The following TXNDC8 variants were observed in gnomAD, a reference collection of about 807,000 sequenced individuals.
The protein encoded by TXNDC8 is thioredoxin domain-containing protein 8.
In TXNDC8, 15 loss-of-function variants were observed where a neutral mutation model predicts 12.9. The ratio of observed to expected loss-of-function variants is 1.16; its 90% CI spans 0.78 to 1.79. The LOEUF is 1.79. TXNDC8 is among the 40% of genes most tolerant of loss of function. The pLI, the probability that TXNDC8 is intolerant of heterozygous loss-of-function variation, is 0.00. For missense variants in TXNDC8, 128 were observed against 113.2 expected (o/e 1.13, Z -0.59); for synonymous variants, 40 against 35.4 (o/e 1.13, Z -0.46).
At chr9:110,312,739 T>C (rs1838736554) in intron 3 of TXNDC8, among the ~76,000 whole-genome samples, 1 of 152,244 alleles carries the variant, frequency 6.6e-6, no homozygotes. Context: ...ATCTGTCCTA[T>C]CATGATTTGT....
At chr9:110,319,478 A>C (rs1839012745) in intron 3 of TXNDC8, among the ~76,000 whole-genome samples, 1 of 152,240 alleles carries the variant, frequency 6.6e-6, no homozygotes, top group South Asian at 2.1e-4. Context: ...TTTGTCTGAC[A>C]GTTGTTTAAA....
chr9:110,337,787 T>A lies in TXNDC8; in HGVS notation c.10A>T (p.Ile4Phe). ...TAAATACTTGCCGTGTCTTTAATAA[T>A]CTGTACCATGATTACACCAGGGAAG... Residue 4 changes from isoleucine to phenylalanine, a missense_variant, in exon 1 of 5, where the codon ATT (isoleucine) becomes TTT (phenylalanine). Transcript: ENST00000423740. The A allele has an allele frequency of 6.2e-7, 1 of 1,614,006 alleles. No individual in the cohort carries two copies. The highest frequency in any genetic ancestry group is 1.1e-5 in the South Asian group (1 of 91,060).
chr9:110,334,541 G>A (rs779906528), intron 1 of TXNDC8, among the ~76,000 whole-genome samples: 26 of 152,204 alleles, frequency 1.7e-4, no homozygotes, highest in South Asian at 4.1e-4. Context: ...ACCTTATCTG[G>A]CCATGTTAGT....
At chr9:110,301,546 A>G (rs966368491), downstream of TXNDC8, among the ~76,000 whole-genome samples, 5 of 152,016 alleles carry the variant, frequency 3.3e-5, no homozygotes, top group African/African-American at 1.2e-4. Flanking sequence ...TAGGAGCAAA[A>G]TTGCCTTTAT....
chr9:110,326,815 G>T (rs1335623468), intron 2 of TXNDC8, among the ~76,000 whole-genome samples: 2 of 152,112 alleles, frequency 1.3e-5, no homozygotes, highest in East Asian at 1.9e-4. Flanking sequence ...TCAAAGGTTA[G>T]TTTTTGTTTT....
At chr9:110,335,640 G>A (rs1177975241) in intron 1 of TXNDC8, among the ~76,000 whole-genome samples, 3 of 152,106 alleles carry the variant, frequency 2.0e-5, no homozygotes, top group African/African-American at 7.2e-5. Context: ...GGTGTAGCTG[G>A]CATTGGTATC....
At chr9:110,308,218 T>G (rs938841852) in intron 3 of TXNDC8, among the ~76,000 whole-genome samples, 1 of 152,228 alleles carries the variant, frequency 6.6e-6, no homozygotes, top group Non-Finnish European at 1.5e-5. Flanking sequence ...TCCCTTTTTT[T>G]AGAGTTTTAC....
At chr9:110,332,409 T>C (rs571893210) in intron 2 of TXNDC8, among the ~76,000 whole-genome samples, 79 of 152,318 alleles carry the variant, frequency 5.2e-4, no homozygotes, top group African/African-American at 1.9e-3. Flanking sequence ...TGTGATGTTA[T>C]GTAGCCAGTT....
chr9:110,311,709 A>G (rs1308707923), intron 3 of TXNDC8, among the ~76,000 whole-genome samples: 6 of 134,580 alleles, frequency 4.5e-5, no homozygotes, highest in Non-Finnish European at 7.8e-5. Context: ...TGGATATACT[A>G]TATTACTATA....
intron 3 of TXNDC8, chr9:110,322,640 A>C (rs371870902): frequency 1.0e-6 from 1 of 985,334 alleles, no homozygotes; most frequent in African/African-American, 1.7e-5. Flanking sequence ...CATAAAATGG[A>C]GTAAAAACTG....
intron 1 of TXNDC8, 58 bp from the exon 2 acceptor site, chr9:110,334,378 G>T: frequency 2.1e-6 from 3 of 1,455,908 alleles, no homozygotes; most frequent in African/African-American, 1.4e-5. Flanking sequence ...ATGACATTTT[G>T]TAGAGAAGAA....
At chr9:110,307,841 T>C (rs995760490) in intron 3 of TXNDC8, among the ~76,000 whole-genome samples, 3 of 152,258 alleles carry the variant, frequency 2.0e-5, no homozygotes, top group African/African-American at 7.2e-5. Context: ...TATATGTTGA[T>C]TGATGTCTCA....
At chr9:110,323,099 T>C (rs754096622) in intron 3 of TXNDC8, 5 of 985,234 alleles carry the variant, frequency 5.1e-6, no homozygotes, top group Non-Finnish European at 6.0e-6. Context: ...TAAAAAAGGA[T>C]GCCATACAGG....
intron 3 of TXNDC8, among the ~76,000 whole-genome samples, chr9:110,307,419 C>T (rs1468501477): frequency 6.6e-6 from 1 of 152,192 alleles, no homozygotes; most frequent in Non-Finnish European, 1.5e-5. Flanking sequence ...CTATCCAGCA[C>T]TGGGCTTTGC....
At chr9:110,337,463 G>A (rs983026224) in intron 1 of TXNDC8, among the ~76,000 whole-genome samples, 1 of 152,150 alleles carries the variant, frequency 6.6e-6, no homozygotes, top group African/African-American at 2.4e-5. Context: ...AAGCACAACT[G>A]AGGTACGATC....
chr9:110,314,869 C>T (rs1838827673), intron 3 of TXNDC8, among the ~76,000 whole-genome samples: 1 of 152,182 alleles, frequency 6.6e-6, no homozygotes, highest in African/African-American at 2.4e-5. Flanking sequence ...AGCGAGTTTA[C>T]TTCTCTCTCC....
At chr9:110,317,280 A>G (rs1193385727) in intron 3 of TXNDC8, among the ~76,000 whole-genome samples, 1 of 152,204 alleles carries the variant, frequency 6.6e-6, no homozygotes, top group Non-Finnish European at 1.5e-5. Flanking sequence ...TGGCTCATAT[A>G]CTTGTTCTCA....
Position 110,323,863 on chromosome 9 carries a change from G to T in TXNDC8, c.195+2312C>A. The stretch of plus-strand genomic sequence containing the variant: ...AAATTCAAATCCAGTGATATCAAAG[G>T]AGAAGGTTATTTACCTAGCTGCTTA... On this transcript the variant is annotated intron_variant, in intron 3 of 4. Transcript: ENST00000423740. The T allele has an allele frequency of 1.9e-6, 3 of 1,549,824 alleles. No homozygotes were observed. The South Asian group carries it at 3.6e-5, about 18-fold the overall frequency.
chr9:110,305,574 C>CT (rs1427975298), intron 3 of TXNDC8, among the ~76,000 whole-genome samples: 115 of 139,090 alleles, frequency 8.3e-4, no homozygotes, highest in Non-Finnish European at 1.4e-3. Context: ...TTCTTTCTTT[C>CT]TTTCTTTCTT....
Sources: gnomAD v4.1 joint callset for allele counts (sites outside exome capture counted in the v4.1 genomes callset) on GRCh38, gnomAD v4.1.1 for gene constraint, MANE v1.5 for transcripts, NCBI Gene and HGNC (gene_info 2026-07-23, HGNC 2026-07-21) for gene names.